FNTB: variants seen among roughly 807,000 people sequenced by gnomAD.
FNTB encodes the protein farnesyltransferase, CAAX box, subunit beta.
FNTB carries 27 observed loss-of-function variants against 59.4 expected under a neutral mutation model. The ratio of observed to expected loss-of-function variants is 0.45; its 90% CI spans 0.34 to 0.63. The LOEUF (loss-of-function observed/expected upper bound fraction) is 0.63, where lower values mean the gene tolerates loss of function less well. Ranked by LOEUF, FNTB falls within the 20% of genes least tolerant of loss-of-function variation. FNTB has a pLI of 0.02. For synonymous variants in FNTB, 230 were observed against 220.7 expected (o/e 1.04, Z -0.37); for missense variants, 449 against 559.6 (o/e 0.80, Z 1.99).
rs896175442 is a variant in FNTB, at chr14:65,051,939, C to T, written c.956-1299C>T. Among the ~76,000 whole-genome samples, 21 of 151,824 alleles carry T rather than the reference C, an allele frequency of 1.4e-4. No homozygotes were observed. The East Asian group carries it at 2.4e-3, about 17-fold the overall frequency. On this transcript the variant is annotated intron_variant, in intron 9 of 11. Coordinates refer to ENST00000246166, the MANE Select transcript of FNTB (RefSeq NM_002028.4). ...CCTCCTGAGTAGCTGGGACTACAGG[C>T]GCCCACCACCATGTCCGGCTAATTT... is the stretch of plus-strand genomic sequence containing the variant.
At chr14:65,037,007 G>A (rs1269778804) in intron 7 of FNTB, among the ~76,000 whole-genome samples, 1 of 151,876 alleles carries the variant, frequency 6.6e-6, no homozygotes, top group African/African-American at 2.4e-5. Flanking sequence ...TCATTTTGCT[G>A]GGCACTCGAT....
rs563468928 is a variant in FNTB, at chr14:65,031,979, C to CGTGTGTGTGTGTGTGTGTGTGT, written c.606-612_606-591dup. Reference sequence around the variant, plus strand: ...ATAGACGTGCGCCTTTTTCATTTAACGTGTGTGTGTGTGTGTGTGTGTGTG... The same window carrying CGTGTGTGTGTGTGTGTGTGTGT: ...ATAGACGTGCGCCTTTTTCATTTAACGTGTGTGTGTGTGTGTGTGTGTGTGTGTGTGTGTGTGTGTGTGTGTG... On this transcript the variant is annotated intron_variant, in intron 6 of 11. Coordinates refer to ENST00000246166, the MANE Select transcript of FNTB (RefSeq NM_002028.4). This position sits in a 1 kb window ranked among gnomAD's most constrained non-coding sequence, Gnocchi z 4.6. 8.1e-4 allele frequency among the ~76,000 whole-genome samples: 114 copies of CGTGTGTGTGTGTGTGTGTGTGT among 141,286 alleles called. 1 individual carries two copies. The highest frequency in any genetic ancestry group is 2.9e-3 in the African/African-American group (110 of 37,888). 92.7% of individuals were successfully genotyped at this position (141,286 alleles called of 152,430 possible).
chr14:65,012,395 C>T lies in FNTB; in HGVS notation c.282+6C>T, dbSNP rs370339814. 1.2e-4 allele frequency: 189 copies of T among 1,613,948 alleles called. 1 individual carries two copies. In the Middle Eastern group the frequency reaches 2.1e-3, roughly 18 times the overall value. ...AACTGACAGATGCCTATGAGGTAAACACATTACCCAGGAACTCTTGCTGTC... is the reference window on the plus strand; with the variant it reads ...AACTGACAGATGCCTATGAGGTAAATACATTACCCAGGAACTCTTGCTGTC... On this transcript the variant is annotated splice_donor_region_variant and intron_variant, in intron 3 of 11. Transcript: ENST00000246166. The surrounding 1 kb of genome is among the most constrained non-coding windows in gnomAD (Gnocchi z 5.0).
At chr14:65,017,800 C>A (rs967872561) in intron 4 of FNTB, among the ~76,000 whole-genome samples, 1 of 151,734 alleles carries the variant, frequency 6.6e-6, no homozygotes, top group Non-Finnish European at 1.5e-5. Context: ...TACTAAAATA[C>A]AAAAATTAGC....
intron 4 of FNTB, among the ~76,000 whole-genome samples, chr14:65,017,271 A>C (rs1245934833): frequency 1.3e-5 from 2 of 152,076 alleles, no homozygotes; most frequent in Non-Finnish European, 2.9e-5. Flanking sequence ...TTGTTTGGGA[A>C]GTTTTCCCTT....
At position 65,049,411 on chromosome 14, in the gene FNTB, C is replaced by T. The variant is rs139746871; in HGVS notation, c.956-3827C>T. On this transcript the variant is annotated intron_variant, in intron 9 of 11. Coordinates refer to ENST00000246166, the MANE Select transcript of FNTB (RefSeq NM_002028.4). ...GAAATGCAAAATGAGATTAGAATGG[C>T]GACCTATAATTTCAGGAAGAGGTAG... is the stretch of plus-strand genomic sequence containing the variant. Among the ~76,000 whole-genome samples, 534 of 152,164 alleles carry T rather than the reference C, an allele frequency of 3.5e-3. 1 individual carries two copies. The highest frequency in any genetic ancestry group is 0.012 in the African/African-American group (488 of 41,506).
At chr14:65,021,405 CG>C (rs2061884153) in intron 4 of FNTB, among the ~76,000 whole-genome samples, 1 of 152,148 alleles carries the variant, frequency 6.6e-6, no homozygotes, top group African/African-American at 2.4e-5. Flanking sequence ...AGCTTATCCC[CG>C]GAATAGCCCC....
rs1446814550 is a variant in FNTB at position 65,032,114 on chromosome 14, C to T, written c.606-496C>T. Among the ~76,000 whole-genome samples the T allele has an allele frequency of 1.3e-5, 2 of 151,684 alleles. No individual in the cohort carries two copies. Among genetic ancestry groups the T allele is most frequent in the Non-Finnish European group, 2.9e-5 (2 of 67,970 alleles). ...TCACCTGTTCCTATCCTTGTTTGAT[C>T]TATTACAATTTGGTGGCCTGTTTTG... On this transcript the variant is annotated intron_variant, in intron 6 of 11. Transcript: ENST00000246166. This position sits in a 1 kb window ranked among gnomAD's most constrained non-coding sequence, Gnocchi z 5.0.
intron 2 of FNTB, among the ~76,000 whole-genome samples, chr14:65,005,451 TTCTTTC>T (rs1476804372): frequency 9.2e-5 from 6 of 64,890 alleles, no homozygotes; most frequent in Non-Finnish European, 1.3e-4. Context: ...TTCCTTTCTT[TTCTTTC>T]TTTCTTTCTT....
chr14:65,021,876 C>T (rs1881893328), intron 4 of FNTB: 1 of 453,938 alleles, frequency 2.2e-6, no homozygotes, highest in African/African-American at 2.0e-5. Context: ...AAACTCCTGG[C>T]CTTAAGTGAT....
intron 1 of FNTB, among the ~76,000 whole-genome samples, chr14:64,987,936 G>T (rs1224044003): frequency 6.6e-6 from 1 of 152,170 alleles, no homozygotes; most frequent in Non-Finnish European, 1.5e-5. Context: ...AGGAGAAGTG[G>T]TTAGGATAAT....
intron 8 of FNTB, among the ~76,000 whole-genome samples, chr14:65,041,247 A>G (rs2062345793): frequency 6.6e-6 from 1 of 152,200 alleles, no homozygotes; most frequent in South Asian, 2.1e-4. Context: ...CTAAGAGGAA[A>G]AGTTACAAGA....
At position 65,039,941 on chromosome 14, in the gene FNTB, C is replaced by T. The variant is rs545332786; in HGVS notation, c.693-849C>T. On this transcript the variant is annotated intron_variant, in intron 7 of 11. Transcript: ENST00000246166. ...CGGTGGCCCATGCCTGTCATCCCAA[C>T]GCTTTGGGATGCTGGGGTGGGAGGA... Among the ~76,000 whole-genome samples, 12 of 152,280 alleles carry T rather than the reference C, an allele frequency of 7.9e-5. No individual in the cohort carries two copies. The East Asian group carries it at 1.5e-3, about 20-fold the overall frequency.
chr14:65,029,319 A>C lies in FNTB; in HGVS notation c.605+1538A>C, dbSNP rs1473394282. On this transcript the variant is annotated intron_variant, in intron 6 of 11. Coordinates refer to ENST00000246166, the MANE Select transcript of FNTB (RefSeq NM_002028.4). This position sits in a 1 kb window ranked among gnomAD's most constrained non-coding sequence, Gnocchi z 4.7. ...TGTCCTTTGCCTGGAAGCATCAGCC[A>C]GTCCTCAGGAGTGCTTGTTTGGGTG... Among the ~76,000 whole-genome samples the C allele has an allele frequency of 1.3e-5, 2 of 152,220 alleles. No homozygotes were observed. Among genetic ancestry groups the C allele is most frequent in the Admixed American group, 6.5e-5 (1 of 15,278 alleles).
At chr14:65,058,655 G>A (rs2062795557) in intron 11 of FNTB, among the ~76,000 whole-genome samples, 1 of 152,172 alleles carries the variant, frequency 6.6e-6, no homozygotes, top group Non-Finnish European at 1.5e-5. Context: ...TTGCTAGGTT[G>A]TTTTTGTTAG....
At position 65,044,557 on chromosome 14, in the gene FNTB, G is replaced by T; in HGVS notation, c.955+114G>T. Reference sequence around the variant, plus strand: ...GTTGAAATGAGCTCTGTCTATCCTGGATTTTGAGTGCCCAGTGTGGAACCT... The same window carrying T: ...GTTGAAATGAGCTCTGTCTATCCTGTATTTTGAGTGCCCAGTGTGGAACCT... On this transcript the variant is annotated intron_variant, in intron 9 of 11. Coordinates refer to ENST00000246166, the MANE Select transcript of FNTB (RefSeq NM_002028.4). This position sits in a 1 kb window ranked among gnomAD's most constrained non-coding sequence, Gnocchi z 5.5. 6.9e-7 allele frequency: 1 copy of T among 1,451,188 alleles called. No individual in the cohort carries two copies. The highest frequency in any genetic ancestry group is 9.1e-7 in the Non-Finnish European group (1 of 1,095,750). The allele number at this position is 1,451,188 out of a possible 1,614,324, so 89.9% of individuals were successfully genotyped here. A position where few individuals can be genotyped will look rare whatever the true frequency, so the allele number is the denominator to read the frequency against.
At chr14:64,995,556 A>G (rs1386501581) in intron 1 of FNTB, among the ~76,000 whole-genome samples, 1 of 152,134 alleles carries the variant, frequency 6.6e-6, no homozygotes, top group Admixed American at 6.6e-5. Context: ...TCATAGTCTT[A>G]ACGGGACTGC....
At chr14:64,995,825 T>C (rs1471161093) in intron 1 of FNTB, among the ~76,000 whole-genome samples, 3 of 151,732 alleles carry the variant, frequency 2.0e-5, no homozygotes, top group South Asian at 4.1e-4. Flanking sequence ...GAAAACATTC[T>C]GTACACAGAA....
Position 65,044,550 on chromosome 14 carries a change from T to C in FNTB, c.955+107T>C, listed in dbSNP as rs891948705. 9.5e-6 allele frequency: 14 copies of C among 1,480,088 alleles called. No homozygotes were observed. Among genetic ancestry groups the C allele is most frequent in the Non-Finnish European group, 1.3e-5 (14 of 1,117,258 alleles). The allele number at this position is 1,480,088 out of a possible 1,614,324, so 91.7% of individuals were successfully genotyped here. On this transcript the variant is annotated intron_variant, in intron 9 of 11. Transcript: ENST00000246166. The surrounding 1 kb of genome is among the most constrained non-coding windows in gnomAD (Gnocchi z 5.5). Reference sequence around the variant, plus strand: ...TAGAGGGGTTGAAATGAGCTCTGTCTATCCTGGATTTTGAGTGCCCAGTGT... The same window carrying C: ...TAGAGGGGTTGAAATGAGCTCTGTCCATCCTGGATTTTGAGTGCCCAGTGT...
Sources: gnomAD v4.1 joint callset for allele counts (sites outside exome capture counted in the v4.1 genomes callset) on GRCh38, gnomAD v4.1.1 for gene constraint, Gnocchi (gnomAD v3.1) non-coding constraint, MANE v1.5 for transcripts, NCBI Gene and HGNC (gene_info 2026-07-23, HGNC 2026-07-21) for gene names.